CACNA2D2: variants seen among roughly 807,000 people sequenced by gnomAD.
The protein encoded by CACNA2D2 is voltage-dependent calcium channel subunit alpha-2/delta-2.
In CACNA2D2, 48 loss-of-function variants were observed where a neutral mutation model predicts 166.4. The ratio of observed to expected loss-of-function variants is 0.29; its 90% CI spans 0.23 to 0.37. CACNA2D2 has a LOEUF of 0.37. CACNA2D2 is among the 10% of genes least tolerant of loss of function. CACNA2D2 has a pLI of 1.00. For missense variants in CACNA2D2, 1,122 were observed against 1,433.0 expected, an observed-to-expected ratio of 0.78 and a Z score of 3.50; for synonymous variants, 561 against 573.7, an observed-to-expected ratio of 0.98 and a Z score of 0.32.
At chr3:50,455,984 C>A (rs1438681663) in intron 2 of CACNA2D2, among the ~76,000 whole-genome samples, 2 of 152,142 alleles carry the variant, frequency 1.3e-5, no homozygotes, top group Middle Eastern at 3.2e-3. Context: ...GATAGTGCCC[C>A]ACAGCCTCTG....
At chr3:50,438,995 C>G (rs1708471674) in intron 2 of CACNA2D2, among the ~76,000 whole-genome samples, 1 of 152,232 alleles carries the variant, frequency 6.6e-6, no homozygotes, top group South Asian at 2.1e-4. Context: ...CCATTCTGAT[C>G]ATCTCCATGT....
intron 2 of CACNA2D2, among the ~76,000 whole-genome samples, chr3:50,466,272 A>ATG (rs10678919): frequency 0.076 from 11,387 of 149,454 alleles, 449 homozygotes; most frequent in African/African-American, 0.093. Flanking sequence ...GTGTGTGCGC[A>ATG]TGTGTGTGTG....
At position 50,365,123 on chromosome 3, in the gene CACNA2D2, G is replaced by A; in HGVS notation, c.3160C>T (p.Leu1054=). ...CGGCCAGCCTCGCACTGGCTGCACA[G>A]CGGCTTCTCGGCCACCACAAAGAGA... is the stretch of plus-strand genomic sequence containing the variant. ...NLLFVVAEKP[L]CSQCEAGRLL... is the part of the protein sequence containing the mutation. The change falls in exon 36 of 38, where the codon CTG becomes TTG. Residue 1054 remains leucine (L), a synonymous_variant. Coordinates refer to ENST00000424201, the MANE Select transcript of CACNA2D2 (RefSeq NM_006030.4). The surrounding 1 kb of genome is among the most constrained non-coding windows in gnomAD (Gnocchi z 4.5). 6.2e-7 allele frequency: 1 copy of A among 1,612,162 alleles called. No individual in the cohort carries two copies. Among genetic ancestry groups the A allele is most frequent in the Non-Finnish European group, 8.5e-7 (1 of 1,179,724 alleles).
intron 2 of CACNA2D2, among the ~76,000 whole-genome samples, chr3:50,456,467 A>G (rs2106983152): frequency 6.6e-6 from 1 of 152,328 alleles, no homozygotes; most frequent in East Asian, 1.9e-4. Flanking sequence ...GGCCTGGGAT[A>G]GGGTCTGGAT....
At position 50,378,274 on chromosome 3, in the gene CACNA2D2, CA is replaced by C. The variant is rs1705097472; in HGVS notation, c.1389+9del. 7 of 1,553,860 alleles carry C rather than the reference CA, an allele frequency of 4.5e-6. No individual in the cohort carries two copies. The highest frequency in any genetic ancestry group is 6.1e-6 in the Non-Finnish European group (7 of 1,148,338). On this transcript the variant is annotated intron_variant, in intron 14 of 37. Coordinates refer to ENST00000424201, the MANE Select transcript of CACNA2D2 (RefSeq NM_006030.4). Reference sequence around the variant, plus strand: ...CAGGGGCTGGGAGGAGGGGCCTCCCCAAGTCTCACCTGTGTGTTGATGCGGA... The same window carrying C: ...CAGGGGCTGGGAGGAGGGGCCTCCCCAGTCTCACCTGTGTGTTGATGCGGA...
chr3:50,410,538 G>A (rs1264994285), intron 3 of CACNA2D2, among the ~76,000 whole-genome samples: 1 of 151,630 alleles, frequency 6.6e-6, no homozygotes, highest in African/African-American at 2.4e-5. Flanking sequence ...CCCACACAAG[G>A]TATGCAAGGC....
In CACNA2D2 at chr3:50,497,759, G is replaced by GCCC. The variant is rs1698782365; in HGVS notation, c.206+5456_206+5458dup. Among the ~76,000 whole-genome samples, 4 of 152,226 alleles carry GCCC rather than the reference G, an allele frequency of 2.6e-5. No homozygotes were observed. In the South Asian group the frequency reaches 6.2e-4, roughly 24 times the overall value. On this transcript the variant is annotated intron_variant, in intron 1 of 37. Transcript: ENST00000424201. ...TCAATCTCTGTGGTCACCTGCACTGGCCCCCCTTCTGCCCTTAGCCACAGG... is the reference window on the plus strand; with the variant it reads ...TCAATCTCTGTGGTCACCTGCACTGGCCCCCCCCCTTCTGCCCTTAGCCACAGG...
chr3:50,436,889 G>A (rs967034054), intron 2 of CACNA2D2, among the ~76,000 whole-genome samples: 2 of 152,160 alleles, frequency 1.3e-5, no homozygotes, highest in Non-Finnish European at 2.9e-5. Flanking sequence ...CTCCCACACT[G>A]AGCCACCCTG....
At chr3:50,453,924 C>A (rs41308226) in intron 2 of CACNA2D2, among the ~76,000 whole-genome samples, 32 of 152,116 alleles carry the variant, frequency 2.1e-4, no homozygotes, top group African/African-American at 7.5e-4. Flanking sequence ...GTGAAGGTCA[C>A]GGTGGACACG....
At chr3:50,495,643 C>T (rs957227815) in intron 1 of CACNA2D2, among the ~76,000 whole-genome samples, 3 of 152,218 alleles carry the variant, frequency 2.0e-5, no homozygotes, top group African/African-American at 7.2e-5. Flanking sequence ...CAAATCGTGC[C>T]CACAGTGTCT....
At chr3:50,468,331 G>A (rs73835504) in intron 2 of CACNA2D2, among the ~76,000 whole-genome samples, 2,663 of 150,352 alleles carry the variant, frequency 0.018, 94 homozygotes, top group African/African-American at 0.063. Flanking sequence ...CTGCTGTAAG[G>A]CCAGCCTCCC....
chr3:50,363,103 T>G lies in CACNA2D2; in HGVS notation c.*1563A>C. 2.5e-6 allele frequency: 1 copy of G among 398,598 alleles called. No individual in the cohort carries two copies. The highest frequency in any genetic ancestry group is 4.4e-6 in the Non-Finnish European group (1 of 226,058). 24.7% of individuals were successfully genotyped at this position (398,598 alleles called of 1,614,324 possible). The stretch of plus-strand genomic sequence containing the variant: ...GGATTGTTTTGTCTGTTTTTCTGTT[T>G]TTTAAACTTAAAATATATATTTTTC... On this transcript the variant is annotated 3_prime_UTR_variant, in exon 38 of 38. Transcript: ENST00000424201.
Position 50,376,105 on chromosome 3 carries a change from C to T in CACNA2D2, c.1701+9G>A. The T allele has an allele frequency of 2.5e-6, 4 of 1,613,426 alleles. No homozygotes were observed. The highest frequency in any genetic ancestry group is 3.4e-6 in the Non-Finnish European group (4 of 1,180,002). On this transcript the variant is annotated intron_variant, in intron 18 of 37. Coordinates refer to ENST00000424201, the MANE Select transcript of CACNA2D2 (RefSeq NM_006030.4). The surrounding 1 kb of genome is among the most constrained non-coding windows in gnomAD (Gnocchi z 4.3). ...TTTGCCCACCCTCCAGGCCACCCGT[C>T]TGGCTCACCTGGGGCTTGAGATTGG...
intron 1 of CACNA2D2, among the ~76,000 whole-genome samples, chr3:50,485,124 A>C (rs1261393824): frequency 6.6e-6 from 1 of 152,226 alleles, no homozygotes; most frequent in Non-Finnish European, 1.5e-5. Flanking sequence ...AAGCAGGAAG[A>C]AAGTGCTGAG....
intron 2 of CACNA2D2, among the ~76,000 whole-genome samples, chr3:50,450,916 C>G (rs990792436): frequency 2.6e-5 from 4 of 152,184 alleles, no homozygotes; most frequent in African/African-American, 9.7e-5. Context: ...GGACATGGGA[C>G]CTGCCTCTGA....
Position 50,364,689 on chromosome 3 carries a change from C to T in CACNA2D2, c.3409G>A (p.Val1137Ile), listed in dbSNP as rs765246193. 1 of 1,538,906 alleles carries T rather than the reference C, an allele frequency of 6.5e-7. No homozygotes were observed. The highest frequency in any genetic ancestry group is 1.2e-5 in the South Asian group (1 of 83,630). Reference protein sequence around the residue: ...LPPRPQPQVLVHASRRL With the variant: ...LPPRPQPQVLIHASRRL The stretch of plus-strand genomic sequence containing the variant: ...GCTCAGAGGCGGCGAGAGGCGTGGA[C>T]GAGGACTTGAGGCTGCGGCCGGGGC... Residue 1137 changes from valine (V) to isoleucine (I), a missense_variant, in exon 38 of 38, where the codon GTC (valine) becomes ATC (isoleucine). Around this residue, in one of 2 missense-constraint regions of CACNA2D2, gnomAD observed 282 missense variants for 266.2 expected, o/e 1.06. Coordinates refer to ENST00000424201, the MANE Select transcript of CACNA2D2 (RefSeq NM_006030.4).
intron 3 of CACNA2D2, among the ~76,000 whole-genome samples, chr3:50,423,917 C>G (rs1707687265): frequency 6.6e-6 from 1 of 152,242 alleles, no homozygotes; most frequent in Admixed American, 6.5e-5. Context: ...CAGGATTGTT[C>G]TACACACGGG....
chr3:50,449,765 G>C (rs1428988595), intron 2 of CACNA2D2, among the ~76,000 whole-genome samples: 1 of 152,068 alleles, frequency 6.6e-6, no homozygotes, highest in African/African-American at 2.4e-5. Flanking sequence ...CCTGGGGCGG[G>C]GGGAGCCTGT....
chr3:50,394,529 A>G (rs759024502), intron 3 of CACNA2D2, among the ~76,000 whole-genome samples: 13 of 152,208 alleles, frequency 8.5e-5, no homozygotes, highest in Non-Finnish European at 1.9e-4. Flanking sequence ...CTGAGCTGCA[A>G]GTTACAAAGT....
Sources: allele counts gnomAD v4.1 joint callset (sites outside exome capture counted in the v4.1 genomes callset), GRCh38; gene constraint gnomAD v4.1.1; regional missense constraint gnomAD v4.1.1; non-coding constraint Gnocchi (gnomAD v3.1); transcripts MANE v1.5; gene names NCBI Gene and HGNC (gene_info 2026-07-23, HGNC 2026-07-21).